The following ATAD3A variants were observed in gnomAD, a reference collection of about 807,000 sequenced individuals.
ATAD3A encodes the protein ATPase family AAA domain containing 3A.
Under a neutral mutation model 73.8 loss-of-function variants are expected in ATAD3A, and 46 were observed. The ratio of observed to expected loss-of-function variants is 0.62; its 90% CI spans 0.49 to 0.80. The LOEUF is 0.80. Among genes scored for constraint, ATAD3A ranks in the 30% least tolerant of loss-of-function variants. The pLI is 0.00. For synonymous variants in ATAD3A, 319 were observed against 350.0 expected (o/e 0.91, Z 0.99); for missense variants, 705 against 838.0 (o/e 0.84, Z 1.96).
chr1:1,528,172 A>G (rs1009567817), intron 14 of ATAD3A, among the ~76,000 whole-genome samples: 1 of 152,060 alleles, frequency 6.6e-6, no homozygotes, highest in African/African-American at 2.4e-5. Context: ...CATGTTGGCC[A>G]GGTTCGTCTC....
rs911744278 is a variant in ATAD3A, at chr1:1,512,489, C to T, written c.205+16C>T. ...GAGCACTCGCGTGAGTGCGGCGGGG[C>T]GGGGCGGCGCGGGCGGGCGGGCGGG... On this transcript the variant is annotated intron_variant, in intron 1 of 15. Transcript: ENST00000378756. The T allele has an allele frequency of 1.4e-5, 10 of 721,422 alleles. No individual in the cohort carries two copies. The highest frequency in any genetic ancestry group is 8.9e-5 in the African/African-American group (2 of 22,392). The allele number at this position is 721,422 out of a possible 1,614,324, so 44.7% of individuals were successfully genotyped here. A position where few individuals can be genotyped will look rare whatever the true frequency, so the allele number is the denominator to read the frequency against.
intron 1 of ATAD3A, among the ~76,000 whole-genome samples, chr1:1,513,536 G>C (rs1641264599): frequency 2.0e-5 from 3 of 151,962 alleles, no homozygotes; most frequent in South Asian, 4.2e-4. Flanking sequence ...TGGTGGAGCG[G>C]GGCCCGGGGC....
rs151323830 is a variant in ATAD3A, at chr1:1,528,380, G to A, written c.1505+518G>A. 2.7e-3 allele frequency among the ~76,000 whole-genome samples: 401 copies of A among 147,430 alleles called. 2 individuals carry two copies. The highest frequency in any genetic ancestry group is 0.01 in the African/African-American group (381 of 37,054). On this transcript the variant is annotated intron_variant, in intron 14 of 15. Transcript: ENST00000378756. The stretch of plus-strand genomic sequence containing the variant: ...AGTGTTGCTCTGAGACCCCCGTGTC[G>A]GGATTCGAAGGAGTCTCTCCTCATG...
chr1:1,523,812 C>T lies in ATAD3A; in HGVS notation c.964-27C>T. Reference sequence around the variant, plus strand: ...AGGCTTCCATGGGTGCACAGTGTCTCCTCCAAACCCCCGTCTTCCCCGGCA... The same window carrying T: ...AGGCTTCCATGGGTGCACAGTGTCTTCTCCAAACCCCCGTCTTCCCCGGCA... On this transcript the variant is annotated intron_variant, in intron 9 of 15. Transcript: ENST00000378756. The surrounding 1 kb of genome is among the most constrained non-coding windows in gnomAD (Gnocchi z 5.1). 4 of 1,613,722 alleles carry T rather than the reference C, an allele frequency of 2.5e-6. No individual in the cohort carries two copies. Among genetic ancestry groups the T allele is most frequent in the Admixed American group, 1.7e-5 (1 of 60,014 alleles).
chr1:1,534,047 G>T lies in ATAD3A; in HGVS notation c.1736G>T (p.Arg579Leu). 1 of 1,613,600 alleles carries T rather than the reference G, an allele frequency of 6.2e-7. No homozygotes were observed. Among genetic ancestry groups the T allele is most frequent in the Non-Finnish European group, 8.5e-7 (1 of 1,179,896 alleles). Residue 579 changes from arginine to leucine, a missense_variant, in exon 16 of 16, where the codon CGT becomes CTT. Arg to Leu is a moderately radical substitution (Grantham distance 102). Transcript: ENST00000378756. ...MCWLKAEGPG[R>L]GDEPSPS is the part of the protein sequence containing the mutation. ...TGGCTGAAGGCGGAAGGGCCTGGGC[G>T]TGGGGACGAGCCCTCCCCATCCTGA...
intron 7 of ATAD3A, among the ~76,000 whole-genome samples, chr1:1,522,114 A>T (rs1220787288): frequency 6.6e-6 from 1 of 151,892 alleles, no homozygotes; most frequent in African/African-American, 2.4e-5. Flanking sequence ...GGTCCAGCTC[A>T]TTGCAACCTT....
rs750196319 is a variant in ATAD3A, at chr1:1,520,147, T to G, written c.521T>G (p.Val174Gly). Reference protein sequence around the residue: ...QKQEAMRRATVEREMELRHKN... With the variant: ...QKQEAMRRATGEREMELRHKN... ...CCCTGCCTCTCTGGGGCAGCCACCG[T>G]GGAGCGGGAGATGGAGCTGCGGCAC... The change falls in exon 6 of 16, where the codon GTG becomes GGG. Residue 174 changes from valine (V) to glycine (G), a missense_variant. Val to Gly is a moderately radical substitution (Grantham distance 109, BLOSUM62 -3). Around this residue, in one of 5 missense-constraint regions of ATAD3A, gnomAD observed 315 missense variants for 334.1 expected, o/e 0.94. Coordinates refer to ENST00000378756, the MANE Select transcript of ATAD3A (RefSeq NM_001170535.3). The surrounding 1 kb of genome is among the most constrained non-coding windows in gnomAD (Gnocchi z 4.0). 6.2e-7 allele frequency: 1 copy of G among 1,610,328 alleles called. No homozygotes were observed. Among genetic ancestry groups the G allele is most frequent in the Admixed American group, 1.7e-5 (1 of 59,844 alleles).
chr1:1,522,645 C>T (rs1363409634), intron 7 of ATAD3A, 99 bp from the exon 8 acceptor site: 19 of 1,567,178 alleles, frequency 1.2e-5, no homozygotes, highest in Non-Finnish European at 1.6e-5. Flanking sequence ...TGTGCTTCTC[C>T]CTCGGGCGGA....
chr1:1,515,985 C>G, intron 1 of ATAD3A, 27 bp from the exon 2 acceptor site: 1 of 1,613,526 alleles, frequency 6.2e-7, no homozygotes, highest in Non-Finnish European at 8.5e-7. Flanking sequence ...ATCCTAACAC[C>G]TGCCCTCCGT....
intron 15 of ATAD3A, among the ~76,000 whole-genome samples, chr1:1,531,792 AAAAAAT>A (rs1356489195): frequency 1.3e-5 from 2 of 151,698 alleles, no homozygotes; most frequent in African/African-American, 4.8e-5. Flanking sequence ...ATAAAAAAAT[AAAAAAT>A]AAAATAATAA....
chr1:1,534,606 G>T lies in ATAD3A; in HGVS notation c.*534G>T. 5.0e-6 allele frequency: 1 copy of T among 198,034 alleles called. No individual in the cohort carries two copies. Among genetic ancestry groups the T allele is most frequent in the Non-Finnish European group, 1.0e-5 (1 of 99,784 alleles). The allele number at this position is 198,034 out of a possible 1,614,324, so 12.3% of individuals were successfully genotyped here. A position where few individuals can be genotyped will look rare whatever the true frequency, so the allele number is the denominator to read the frequency against. ...AGGGAACCTGGCGGGGGTGTCTGAG[G>T]CCGCACTGTCAGCTGGCCGGTCCAA... On this transcript the variant is annotated 3_prime_UTR_variant, in exon 16 of 16. Transcript: ENST00000378756.
chr1:1,520,012 A>G lies in ATAD3A; in HGVS notation c.515-129A>G, dbSNP rs929561178. On this transcript the variant is annotated intron_variant, in intron 5 of 15. Coordinates refer to ENST00000378756, the MANE Select transcript of ATAD3A (RefSeq NM_001170535.3). The surrounding 1 kb of genome is among the most constrained non-coding windows in gnomAD (Gnocchi z 4.0). ...TCCATGGCGTGGGCCGGTCCGTGGC[A>G]TGGGCCTGTCTGTGGCGTTGGTCTG... is the stretch of plus-strand genomic sequence containing the variant. 20 of 1,365,928 alleles carry G rather than the reference A, an allele frequency of 1.5e-5. No individual in the cohort carries two copies. Among genetic ancestry groups the G allele is most frequent in the Admixed American group, 2.5e-5 (1 of 40,736 alleles). 84.6% of individuals were successfully genotyped at this position (1,365,928 alleles called of 1,614,324 possible). A position where few individuals can be genotyped will look rare whatever the true frequency, so the allele number is the denominator to read the frequency against.
At chr1:1,515,884 G>C in intron 1 of ATAD3A, 128 bp from the exon 2 acceptor site, 1 of 938,006 alleles carries the variant, frequency 1.1e-6, no homozygotes, top group Non-Finnish European at 1.7e-6. Context: ...AGGATGGGGA[G>C]GCAGGGCTGG....
intron 14 of ATAD3A, among the ~76,000 whole-genome samples, chr1:1,528,934 G>A (rs1206165049): frequency 1.3e-5 from 2 of 152,192 alleles, no homozygotes; most frequent in Non-Finnish European, 2.9e-5. Flanking sequence ...TCGGGGCTCC[G>A]CCACTGCCAG....
Position 1,527,875 on chromosome 1 carries a change from C to A in ATAD3A, c.1505+13C>A. ...CAGAAGGAAAGCAGTAAGTGTCCCG[C>A]CCCACCAGCCCCCGTCCAGGGGCCC... On this transcript the variant is annotated intron_variant, in intron 14 of 15. Coordinates refer to ENST00000378756, the MANE Select transcript of ATAD3A (RefSeq NM_001170535.3). The A allele has an allele frequency of 6.2e-7, 1 of 1,607,328 alleles. No individual in the cohort carries two copies. Among genetic ancestry groups the A allele is most frequent in the Non-Finnish European group, 8.5e-7 (1 of 1,175,920 alleles).
At position 1,525,283 on chromosome 1, in the gene ATAD3A, C is replaced by T. The variant is rs376153971; in HGVS notation, c.1258C>T (p.Arg420Ter). 14 of 1,613,510 alleles carry T rather than the reference C, an allele frequency of 8.7e-6. No homozygotes were observed. The highest frequency in any genetic ancestry group is 8.3e-5 in the Admixed American group (5 of 59,982). ...VDEADAFLRKRATEKISEDLR... is the reference protein window; with the variant it reads ...VDEADAFLRK The stretch of plus-strand genomic sequence containing the variant: ...TGAAGCGGACGCCTTCCTTCGGAAG[C>T]GAGCCACCGTGAGTGTCACTAAGCC... Residue 420 changes from arginine to a stop codon, truncating the protein, a stop_gained, in exon 12 of 16, where the codon CGA becomes TGA. Coordinates refer to ENST00000378756, the MANE Select transcript of ATAD3A (RefSeq NM_001170535.3). LOFTEE classifies it high-confidence loss of function.
At chr1:1,521,298 CAAAAAAAAAAAAAAAAA>C (rs1001385922) in intron 7 of ATAD3A, among the ~76,000 whole-genome samples, 29 of 25,366 alleles carry the variant, frequency 1.1e-3, no homozygotes, top group Admixed American at 5.1e-3. Context: ...GGCTTCTTCT[CAAAAAAAAAAAAAAAAA>C]AAAAAAAAAA....
chr1:1,515,710 C>G (rs1345400576), intron 1 of ATAD3A, among the ~76,000 whole-genome samples: 2 of 152,222 alleles, frequency 1.3e-5, no homozygotes, highest in African/African-American at 4.8e-5. Flanking sequence ...CTTTAGCCAT[C>G]GCCTGACTTT....
At chr1:1,525,822 C>T (rs942756149) in intron 12 of ATAD3A, among the ~76,000 whole-genome samples, 3 of 152,188 alleles carry the variant, frequency 2.0e-5, no homozygotes, top group African/African-American at 4.8e-5. Flanking sequence ...CCTCCTGCCT[C>T]AGCCGCCTGA....
Sources: gnomAD v4.1 joint callset for allele counts (sites outside exome capture counted in the v4.1 genomes callset) on GRCh38, gnomAD v4.1.1 for gene constraint, gnomAD v4.1.1 regional missense constraint, Gnocchi (gnomAD v3.1) non-coding constraint, MANE v1.5 for transcripts, NCBI Gene and HGNC (gene_info 2026-07-23, HGNC 2026-07-21) for gene names.